The following ITPK1 variants were observed in gnomAD, a reference collection of about 807,000 sequenced individuals.
The protein encoded by ITPK1 is inositol-tetrakisphosphate 1-kinase.
Under a neutral mutation model 45.3 loss-of-function variants are expected in ITPK1, and 21 were observed. The observed-to-expected ratio is 0.46, with a 90% CI of 0.33 to 0.67. ITPK1 has a LOEUF of 0.67. Ranked by LOEUF, ITPK1 falls within the 30% of genes least tolerant of loss-of-function variation. ITPK1 has a pLI of 0.02. For missense variants in ITPK1, 474 were observed against 573.5 expected (o/e 0.83, Z 1.77); for synonymous variants, 258 against 253.6 (o/e 1.02, Z -0.16).
In ITPK1 at chr14:93,076,493, G is replaced by A. The variant is rs1041786526; in HGVS notation, c.120+102C>T. The A allele has an allele frequency of 5.2e-6, 7 of 1,336,988 alleles. No individual in the cohort carries two copies. Among genetic ancestry groups the A allele is most frequent in the Non-Finnish European group, 7.5e-6 (7 of 936,960 alleles). 82.8% of individuals were successfully genotyped at this position (1,336,988 alleles called of 1,614,324 possible). On this transcript the variant is annotated intron_variant, in intron 3 of 10. Transcript: ENST00000267615. The surrounding 1 kb of genome is among the most constrained non-coding windows in gnomAD (Gnocchi z 4.3). Reference sequence around the variant, plus strand: ...AAAAACAAGCTGCACGTGAAGAAGAGAGAAAGCCGTGCCCAATGCTGGAGG... The same window carrying A: ...AAAAACAAGCTGCACGTGAAGAAGAAAGAAAGCCGTGCCCAATGCTGGAGG...
At chr14:93,090,405 G>A (rs1891820772) in intron 2 of ITPK1, among the ~76,000 whole-genome samples, 1 of 152,168 alleles carries the variant, frequency 6.6e-6, no homozygotes, top group Non-Finnish European at 1.5e-5. Context: ...TGGTCAGATC[G>A]AGACCTGAAG....
intron 2 of ITPK1, among the ~76,000 whole-genome samples, chr14:93,096,900 C>G (rs1403264630): frequency 6.6e-6 from 1 of 152,202 alleles, no homozygotes; most frequent in Non-Finnish European, 1.5e-5. Flanking sequence ...CTGACGTCAC[C>G]GAGTCCCTTG....
intron 2 of ITPK1, among the ~76,000 whole-genome samples, chr14:93,113,946 C>A (rs1812178813): frequency 1.3e-5 from 2 of 152,350 alleles, no homozygotes; most frequent in South Asian, 4.1e-4. Context: ...GAGGTGCTGC[C>A]AGGCTCACCT....
At chr14:93,091,691 C>T (rs1377254036) in intron 2 of ITPK1, among the ~76,000 whole-genome samples, 1 of 152,188 alleles carries the variant, frequency 6.6e-6, no homozygotes, top group Non-Finnish European at 1.5e-5. Context: ...GGCATCCAGT[C>T]AGTGTCACCA....
chr14:93,047,212 C>T (rs1020013809), intron 3 of ITPK1, among the ~76,000 whole-genome samples: 2 of 152,136 alleles, frequency 1.3e-5, no homozygotes, highest in East Asian at 1.9e-4. Context: ...TCCTCCCCGA[C>T]GTTTAAGCCA....
At chr14:93,081,932 A>T (rs1490845324) in intron 2 of ITPK1, among the ~76,000 whole-genome samples, 2 of 152,152 alleles carry the variant, frequency 1.3e-5, no homozygotes, top group Non-Finnish European at 2.9e-5. Flanking sequence ...GCGTGTCAAA[A>T]ATCCTCATTC....
At chr14:93,050,021 C>T (rs545894120) in intron 3 of ITPK1, among the ~76,000 whole-genome samples, 3 of 152,300 alleles carry the variant, frequency 2.0e-5, no homozygotes, top group African/African-American at 7.2e-5. Flanking sequence ...ATCCCTGCTG[C>T]TGGGAAGTGC....
At chr14:93,099,088 G>A (rs1047558637) in intron 2 of ITPK1, among the ~76,000 whole-genome samples, 4 of 152,182 alleles carry the variant, frequency 2.6e-5, no homozygotes, top group African/African-American at 7.2e-5. Context: ...GCCACTCACC[G>A]TTCATTTCCT....
intron 3 of ITPK1, chr14:93,037,083 T>C (rs1290115863): frequency 6.6e-6 from 1 of 152,192 alleles, no homozygotes; most frequent in Non-Finnish European, 1.5e-5. Flanking sequence ...TGGAAGGCTG[T>C]TCCCCTGCTC....
chr14:92,941,622 A>G lies in ITPK1; in HGVS notation c.1184T>C (p.Val395Ala), dbSNP rs1421180662. ...ACAATGCTGCTGGAAGCTGGGCGAC[A>G]CGCCGGCGTTGCAGCCGAGTCTCTG... is the stretch of plus-strand genomic sequence containing the variant. ...PHQRLGCNAG[V>A]SPSFQQHCVA... Residue 395 changes from valine to alanine, a missense_variant, in exon 11 of 11, where the codon GTG becomes GCG. Physicochemically the swap from Val to Ala is moderately conservative, Grantham distance 64. This residue lies in a region of ITPK1 where 107 missense variants were observed against 92.9 expected (regional missense o/e 1.15). Coordinates refer to ENST00000267615, the MANE Select transcript of ITPK1 (RefSeq NM_014216.6). 1 of 1,538,152 alleles carries G rather than the reference A, an allele frequency of 6.5e-7. No homozygotes were observed. Among genetic ancestry groups the G allele is most frequent in the Non-Finnish European group, 8.7e-7 (1 of 1,144,500 alleles).
chr14:92,944,858 G>A (rs904290719), intron 10 of ITPK1, among the ~76,000 whole-genome samples: 3 of 152,086 alleles, frequency 2.0e-5, no homozygotes, highest in African/African-American at 4.8e-5. Flanking sequence ...CACGATCGTC[G>A]CACGGGTCTG....
At chr14:93,041,045 G>A (rs1889541699) in intron 3 of ITPK1, among the ~76,000 whole-genome samples, 1 of 152,228 alleles carries the variant, frequency 6.6e-6, no homozygotes. Context: ...TGTGGGGGGA[G>A]ATGGTTGGTC....
At chr14:93,055,257 C>T (rs938505383) in intron 3 of ITPK1, among the ~76,000 whole-genome samples, 25 of 152,190 alleles carry the variant, frequency 1.6e-4, no homozygotes, top group Non-Finnish European at 8.8e-5. Flanking sequence ...AGGAATGCTG[C>T]TGCTGGGAAC....
At chr14:92,981,278 C>T (rs1886214834) in intron 5 of ITPK1, among the ~76,000 whole-genome samples, 2 of 152,234 alleles carry the variant, frequency 1.3e-5, no homozygotes, top group Non-Finnish European at 2.9e-5. Context: ...AGCAGCCTCC[C>T]AATGGCCTCC....
intron 2 of ITPK1, among the ~76,000 whole-genome samples, chr14:93,096,857 C>G (rs1013242225): frequency 1.3e-5 from 2 of 152,166 alleles, no homozygotes; most frequent in Non-Finnish European, 2.9e-5. Flanking sequence ...GGCCCCAATC[C>G]AGGAACAAAA....
chr14:93,087,860 GC>G (rs1891709048), intron 2 of ITPK1, among the ~76,000 whole-genome samples: 1 of 152,252 alleles, frequency 6.6e-6, no homozygotes, highest in Non-Finnish European at 1.5e-5. Flanking sequence ...ACTGGGTACA[GC>G]CCAGCATGGC....
At chr14:93,022,920 T>C (rs914590425) in intron 3 of ITPK1, among the ~76,000 whole-genome samples, 5 of 151,858 alleles carry the variant, frequency 3.3e-5, no homozygotes, top group African/African-American at 1.2e-4. Context: ...GAGATAAGAG[T>C]AGGTGCTTGA....
chr14:92,939,858 G>A lies in ITPK1; in HGVS notation c.*1703C>T, dbSNP rs1238771523. The stretch of plus-strand genomic sequence containing the variant: ...TTGAGCAACATGTGTAAACACGTGT[G>A]AAATGCGGTTTGATTTCAGTAGTTT... On this transcript the variant is annotated 3_prime_UTR_variant, in exon 11 of 11. Transcript: ENST00000267615. The A allele has an allele frequency of 1.2e-5, 12 of 985,730 alleles. No homozygotes were observed. Among genetic ancestry groups the A allele is most frequent in the Non-Finnish European group, 1.4e-5 (12 of 829,932 alleles). The allele number at this position is 985,730 out of a possible 1,614,324, so 61.1% of individuals were successfully genotyped here.
At position 92,948,977 on chromosome 14, in the gene ITPK1, A is replaced by G. The variant is rs1595077943; in HGVS notation, c.739-2484T>C. 3.1e-5 allele frequency among the ~76,000 whole-genome samples: 4 copies of G among 129,474 alleles called. No individual in the cohort carries two copies. In the East Asian group the frequency reaches 6.7e-4, roughly 22 times the overall value. The allele number at this position is 129,474 out of a possible 152,430, so 84.9% of individuals were successfully genotyped here. ...CTCCCACCCCGGCTTTGCAGGACAC[A>G]CAGGGCCCCCCTGCTCACAGCCTCA... On this transcript the variant is annotated intron_variant, in intron 9 of 10. Transcript: ENST00000267615.
Sources: gnomAD v4.1 joint callset for allele counts (sites outside exome capture counted in the v4.1 genomes callset) on GRCh38, gnomAD v4.1.1 for gene constraint, gnomAD v4.1.1 regional missense constraint, Gnocchi (gnomAD v3.1) non-coding constraint, MANE v1.5 for transcripts, NCBI Gene and HGNC (gene_info 2026-07-23, HGNC 2026-07-21) for gene names.